Variants in STAU2 observed in about 807,000 individuals in gnomAD.
STAU2 encodes the protein staufen double-stranded RNA binding protein 2, also known as double-stranded RNA-binding protein Staufen homolog 2.
A neutral mutation model predicts 65.9 loss-of-function variants in STAU2; 20 were observed. That is an observed-to-expected ratio of 0.30 (90% CI 0.21 to 0.44). The LOEUF (loss-of-function observed/expected upper bound fraction) is 0.44. Among genes scored for constraint, STAU2 ranks in the 20% least tolerant of loss-of-function variants. The pLI, the probability that STAU2 is intolerant of heterozygous loss-of-function variation, is 1.00. For missense variants in STAU2, 558 were observed against 683.9 expected (o/e 0.82, Z 2.05); for synonymous variants, 232 against 233.9 (o/e 0.99, Z 0.07).
At chr8:73,429,270 C>A (rs1021010995) in intron 13 of STAU2, among the ~76,000 whole-genome samples, 3 of 152,106 alleles carry the variant, frequency 2.0e-5, no homozygotes, top group Non-Finnish European at 4.4e-5. Context: ...CCTGCCATGA[C>A]CTGAGTTGTT....
chr8:73,679,878 G>T (rs1051418281), intron 5 of STAU2, among the ~76,000 whole-genome samples: 4 of 145,014 alleles, frequency 2.8e-5, no homozygotes, highest in Admixed American at 1.4e-4. Context: ...GACAGACTGA[G>T]ACTCCACCTA....
intron 13 of STAU2, among the ~76,000 whole-genome samples, chr8:73,515,004 C>A (rs1034268924): frequency 6.6e-6 from 1 of 152,116 alleles, no homozygotes; most frequent in Non-Finnish European, 1.5e-5. Context: ...TAAAATGTTT[C>A]TTGATCTTCA....
chr8:73,476,893 G>C (rs1820352480), intron 13 of STAU2, among the ~76,000 whole-genome samples: 1 of 152,192 alleles, frequency 6.6e-6, no homozygotes, highest in Non-Finnish European at 1.5e-5. Context: ...AGGTACCATA[G>C]AAATGTCAGC....
At chr8:73,555,182 C>G (rs1007155752) in intron 12 of STAU2, among the ~76,000 whole-genome samples, 2 of 152,148 alleles carry the variant, frequency 1.3e-5, no homozygotes, top group Non-Finnish European at 2.9e-5. Context: ...GGAAGGCTTG[C>G]TGGAGATGAC....
chr8:73,613,632 G>T (rs1812627631), intron 9 of STAU2, 112 bp downstream of exon 9: 1 of 753,282 alleles, frequency 1.3e-6, no homozygotes, highest in Non-Finnish European at 2.0e-6. Flanking sequence ...CTCATTTCAG[G>T]ACTGTATATA....
Position 73,685,409 on chromosome 8 carries a change from G to A in STAU2, c.274+3245C>T, listed in dbSNP as rs1260007508. The stretch of plus-strand genomic sequence containing the variant: ...TTTTTTTTTTTTGAGATGGAGCCTC[G>A]CTCTGTCACCAGGCTGGAGTGCAGT... On this transcript the variant is annotated intron_variant, in intron 5 of 14. Coordinates refer to ENST00000524300, the MANE Select transcript of STAU2 (RefSeq NM_001164380.2). 8.2e-5 allele frequency among the ~76,000 whole-genome samples: 12 copies of A among 146,962 alleles called. No individual in the cohort carries two copies. In the East Asian group the frequency reaches 9.9e-4, roughly 12 times the overall value.
chr8:73,551,517 C>T (rs1807331038), intron 13 of STAU2: 1 of 987,380 alleles, frequency 1.0e-6, no homozygotes, highest in Non-Finnish European at 1.2e-6. Flanking sequence ...TAATAGACTT[C>T]TAGAATGTTG....
intron 13 of STAU2, among the ~76,000 whole-genome samples, chr8:73,447,035 G>A (rs572848256): frequency 5.9e-5 from 9 of 152,130 alleles, no homozygotes; most frequent in Admixed American, 3.3e-4. Flanking sequence ...TCCGCGTCCC[G>A]GGTTCAAGCA....
intron 12 of STAU2, among the ~76,000 whole-genome samples, chr8:73,575,041 T>C (rs1809424315): frequency 6.7e-6 from 1 of 150,324 alleles, no homozygotes; most frequent in Admixed American, 6.6e-5. Flanking sequence ...CATTCAAATA[T>C]ATTAAAAAGA....
chr8:73,668,861 C>T, intron 6 of STAU2: 1 of 494,678 alleles, frequency 2.0e-6, no homozygotes, highest in East Asian at 3.0e-5. Flanking sequence ...TGAATAAGTT[C>T]AAGTGGAGAA....
chr8:73,485,919 T>C (rs1820887279), intron 13 of STAU2, among the ~76,000 whole-genome samples: 1 of 151,976 alleles, frequency 6.6e-6, no homozygotes, highest in Non-Finnish European at 1.5e-5. Flanking sequence ...GTGAAATAAA[T>C]AGTCAGGAAA....
chr8:73,552,032 C>T lies in STAU2; in HGVS notation c.1510G>A (p.Ala504Thr). 1 of 1,569,732 alleles carries T rather than the reference C, an allele frequency of 6.4e-7. No homozygotes were observed. Among genetic ancestry groups the T allele is most frequent in the Non-Finnish European group, 8.6e-7 (1 of 1,160,402 alleles). ...VQPSKQLEYL[A>T]RIQGFQAALS... The stretch of plus-strand genomic sequence containing the variant: ...CATACCTGAAAGCCTTGAATCCTTG[C>T]TAAATATTCCAGTTGTTTTGAAGGT... The change falls in exon 13 of 15, where the codon GCA becomes ACA. Residue 504 changes from alanine to threonine, a missense_variant. By Grantham distance (58) the Ala-to-Thr change is moderately conservative. Coordinates refer to ENST00000524300, the MANE Select transcript of STAU2 (RefSeq NM_001164380.2).
rs78145932 is a variant in STAU2, at chr8:73,512,831, A to T, written c.1530+39181T>A. Reference sequence around the variant, plus strand: ...ATTGAGTTACTCAAGTGAATTTTTCATTTCGGTTATTGTACTTTTCAACTC... The same window carrying T: ...ATTGAGTTACTCAAGTGAATTTTTCTTTTCGGTTATTGTACTTTTCAACTC... On this transcript the variant is annotated intron_variant, in intron 13 of 14. Transcript: ENST00000524300. Among the ~76,000 whole-genome samples the T allele has an allele frequency of 9.4e-3, 1,427 of 152,270 alleles. 12 individuals carry two copies. The highest frequency in any genetic ancestry group is 0.013 in the Non-Finnish European group (918 of 68,000).
intron 6 of STAU2, chr8:73,653,851 T>C: frequency 2.3e-6 from 1 of 430,174 alleles, no homozygotes; most frequent in Admixed American, 2.7e-5. Flanking sequence ...TTCAAATCCC[T>C]TTTACCATGG....
At chr8:73,527,850 G>A in intron 13 of STAU2, 1 of 1,186,742 alleles carries the variant, frequency 8.4e-7, no homozygotes, top group Non-Finnish European at 1.2e-6. Flanking sequence ...TTTCAGAGGG[G>A]ACAAGATGCA....
chr8:73,569,119 G>A (rs779331243), intron 12 of STAU2, among the ~76,000 whole-genome samples: 80 of 152,188 alleles, frequency 5.3e-4, no homozygotes, highest in South Asian at 4.2e-4. Flanking sequence ...CTAATACTGC[G>A]CTTTTCCAAC....
chr8:73,538,728 G>A (rs1806340319), intron 13 of STAU2, among the ~76,000 whole-genome samples: 1 of 150,390 alleles, frequency 6.6e-6, no homozygotes, highest in African/African-American at 2.4e-5. Context: ...CATAGTAATG[G>A]GGACCAAGAA....
At chr8:73,440,537 C>CT (rs1249667588) in intron 13 of STAU2, 1 of 152,178 alleles carries the variant, frequency 6.6e-6, no homozygotes, top group East Asian at 1.9e-4. Flanking sequence ...TCTGTTGGTT[C>CT]TTTTTTGAAA....
chr8:73,683,004 C>G (rs752072984), intron 5 of STAU2, among the ~76,000 whole-genome samples: 2 of 152,046 alleles, frequency 1.3e-5, no homozygotes, highest in East Asian at 1.9e-4. Flanking sequence ...CAGGACCAGA[C>G]GGATTCACAG....
Sources: allele counts gnomAD v4.1 joint callset (sites outside exome capture counted in the v4.1 genomes callset), GRCh38; gene constraint gnomAD v4.1.1; transcripts MANE v1.5; gene names NCBI Gene and HGNC (gene_info 2026-07-23, HGNC 2026-07-21).